GYG2: variants seen among roughly 807,000 people sequenced by gnomAD.
GYG2 encodes the protein glycogenin-2.
Under a neutral mutation model 29.4 loss-of-function variants are expected in GYG2, and 29 were observed. The observed-to-expected ratio is 0.99, with a 90% CI of 0.74 to 1.35. The LOEUF is 1.35. Among genes scored for constraint, GYG2 ranks in the 40% most tolerant of loss-of-function variants. GYG2 has a pLI of 0.00. For missense variants in GYG2, 370 were observed against 385.7 expected (o/e 0.96, Z 0.34); for synonymous variants, 167 against 172.3 (o/e 0.97, Z 0.24).
intron 10 of GYG2, among the ~76,000 whole-genome samples, chrX:2,879,520 G>A (rs2088671484): frequency 9.0e-6 from 1 of 111,512 alleles, no homozygotes; most frequent in Non-Finnish European, 1.9e-5. Context: ...CACCTGCCTC[G>A]GCCTCCCAAA....
At chrX:2,869,018 A>T (rs2088381440) in intron 8 of GYG2, among the ~76,000 whole-genome samples, 2 of 104,995 alleles carry the variant, frequency 1.9e-5, no homozygotes, top group African/African-American at 7.3e-5. Flanking sequence ...GAACATCTTA[A>T]AAAAAAAAAA....
At chrX:2,852,632 TC>T (rs1327966953) in intron 3 of GYG2, 2 of 112,245 alleles carry the variant, frequency 1.8e-5, no homozygotes, top group African/African-American at 3.2e-5. Flanking sequence ...TCTGTTAGTT[TC>T]TACCAGCTCA....
chrX:2,848,085 A>C (rs1317998466), intron 3 of GYG2, among the ~76,000 whole-genome samples: 2 of 112,474 alleles, frequency 1.8e-5, no homozygotes, highest in African/African-American at 6.5e-5. Context: ...TGTGTTAAAG[A>C]TAAAACAAAC....
chrX:2,864,760 C>T (rs1379126517), intron 8 of GYG2, among the ~76,000 whole-genome samples: 2 of 107,198 alleles, frequency 1.9e-5, no homozygotes, highest in Non-Finnish European at 1.9e-5. Flanking sequence ...TCTTCTTTTT[C>T]TTTCTTTTTT....
At chrX:2,877,637 TA>T in intron 10 of GYG2, 2 of 753,875 alleles carry the variant, frequency 2.7e-6, no homozygotes, top group African/African-American at 4.6e-5. Flanking sequence ...ATGAAGAGAT[TA>T]AAAGCTGAAA....
chrX:2,860,250 T>A (rs1411164493), intron 7 of GYG2, among the ~76,000 whole-genome samples, 185 bp downstream of exon 7: 2 of 111,230 alleles, frequency 1.8e-5, no homozygotes, highest in Non-Finnish European at 3.8e-5. Context: ...AAATAGAGAA[T>A]GCCTAATGAC....
At chrX:2,839,263 G>A (rs1056216015) in intron 2 of GYG2, among the ~76,000 whole-genome samples, 4 of 111,605 alleles carry the variant, frequency 3.6e-5, no homozygotes, top group Non-Finnish European at 7.5e-5. Flanking sequence ...CAGAATTTCA[G>A]TGACTTCTCC....
At chrX:2,866,765 A>G in intron 8 of GYG2, among the ~76,000 whole-genome samples, 1 of 111,238 alleles carries the variant, frequency 9.0e-6, no homozygotes, top group East Asian at 2.8e-4. Context: ...TAGGTATTGA[A>G]CCATCCCTGT....
At chrX:2,866,817 A>C (rs1225817183) in intron 8 of GYG2, among the ~76,000 whole-genome samples, 1 of 79,820 alleles carries the variant, frequency 1.3e-5, no homozygotes, top group African/African-American at 5.1e-5. Flanking sequence ...TCAATTTTTA[A>C]AAAGTAAATT....
chrX:2,837,285 G>T (rs1393371137), intron 2 of GYG2, among the ~76,000 whole-genome samples: 2 of 112,137 alleles, frequency 1.8e-5, no homozygotes, highest in African/African-American at 6.5e-5. Context: ...AGTAAGTGGG[G>T]TTGGAAACAG....
At chrX:2,859,283 T>A (rs1294093211) in intron 6 of GYG2, among the ~76,000 whole-genome samples, 2 of 26,444 alleles carry the variant, frequency 7.6e-5, no homozygotes, top group Non-Finnish European at 3.2e-4. Context: ...ATTACTATAG[T>A]AGTGATAGTA....
rs763124114 is a variant in GYG2 at position 2,851,026 on chromosome X, A to C, written c.150-2954A>C. Among the ~76,000 whole-genome samples the C allele has an allele frequency of 2.7e-5, 3 of 112,116 alleles. No homozygotes were observed. The South Asian group carries it at 1.1e-3, about 42-fold the overall frequency. On this transcript the variant is annotated intron_variant, in intron 3 of 10. Coordinates refer to ENST00000398806, the MANE Select transcript of GYG2 (RefSeq NM_001079855.2). Reference sequence around the variant, plus strand: ...AGGACTCAATCCAAATATAACCGTGATCATAATAAACATGAATAGATTAAA... The same window carrying C: ...AGGACTCAATCCAAATATAACCGTGCTCATAATAAACATGAATAGATTAAA...
At chrX:2,855,980 T>G (rs2087974578) in intron 5 of GYG2, among the ~76,000 whole-genome samples, 1 of 111,737 alleles carries the variant, frequency 8.9e-6, no homozygotes, top group African/African-American at 3.3e-5. Flanking sequence ...TATAAAAACA[T>G]GCACAGTGTG....
At position 2,855,581 on chromosome X, in the gene GYG2, A is replaced by C. The variant is rs183095336; in HGVS notation, c.487+426A>C. ...TGACCGAAGCACTTTTATGTGTTGC[A>C]TGACTGTACTTGGCATTGAACATGG... On this transcript the variant is annotated intron_variant, in intron 5 of 10. Coordinates refer to ENST00000398806, the MANE Select transcript of GYG2 (RefSeq NM_001079855.2). Among the ~76,000 whole-genome samples, 127 of 112,170 alleles carry C rather than the reference A, an allele frequency of 1.1e-3. 1 individual carries two copies. Among genetic ancestry groups the C allele is most frequent in the African/African-American group, 3.8e-3 (117 of 30,945 alleles).
intron 8 of GYG2, among the ~76,000 whole-genome samples, chrX:2,873,717 A>T (rs999839490): frequency 2.7e-5 from 3 of 111,233 alleles, no homozygotes; most frequent in African/African-American, 9.8e-5. Context: ...TTCCTTCACC[A>T]ACATGTCTTC....
In GYG2 at chrX:2,874,335, T is replaced by C. The variant is rs562843439; in HGVS notation, c.1039-1475T>C. On this transcript the variant is annotated intron_variant, in intron 8 of 10. Transcript: ENST00000398806. ...CATGCTGATCTGCTTTCACGTGCATTTTTCAGCATGTTCTTCTTCTTACTT... is the reference window on the plus strand; with the variant it reads ...CATGCTGATCTGCTTTCACGTGCATCTTTCAGCATGTTCTTCTTCTTACTT... Among the ~76,000 whole-genome samples, 3 of 112,367 alleles carry C rather than the reference T, an allele frequency of 2.7e-5. No homozygotes were observed. In the South Asian group the frequency reaches 1.1e-3, roughly 42 times the overall value.
chrX:2,868,477 A>G (rs987041449), intron 8 of GYG2, among the ~76,000 whole-genome samples: 1 of 107,389 alleles, frequency 9.3e-6, no homozygotes, highest in Non-Finnish European at 1.9e-5. Flanking sequence ...AAAAAAAAAA[A>G]GGTATTTTGG....
chrX:2,845,579 GTA>G (rs1484248189), intron 3 of GYG2, among the ~76,000 whole-genome samples: 1 of 101,713 alleles, frequency 9.8e-6, no homozygotes, highest in African/African-American at 3.5e-5. Flanking sequence ...ATACACATGT[GTA>G]TATATACACA....
At chrX:2,854,843 G>A in intron 4 of GYG2, 150 bp from the exon 5 acceptor site, 1 of 510,177 alleles carries the variant, frequency 2.0e-6, no homozygotes, top group Non-Finnish European at 3.2e-6. Flanking sequence ...GAGGTGGGGG[G>A]ATCGCTTGAA....
Sources: allele counts gnomAD v4.1 joint callset (sites outside exome capture counted in the v4.1 genomes callset), GRCh38; gene constraint gnomAD v4.1.1; transcripts MANE v1.5; gene names NCBI Gene and HGNC (gene_info 2026-07-23, HGNC 2026-07-21).